Variants in FAM98B observed in about 807,000 individuals in gnomAD.
The protein encoded by FAM98B is tRNA-splicing ligase complex subunit FAM98B.
FAM98B carries 32 observed loss-of-function variants against 43.9 expected under a neutral mutation model. The ratio of observed to expected loss-of-function variants is 0.73; its 90% CI spans 0.55 to 0.98. The LOEUF (loss-of-function observed/expected upper bound fraction) is 0.98. Ranked by LOEUF, FAM98B falls within the 50% of genes least tolerant of loss-of-function variation. The probability of loss-of-function intolerance (pLI) is 0.00; values close to 1 mark genes in which losing one functional copy is unlikely to be tolerated. For missense variants in FAM98B, 514 were observed against 522.9 expected, an observed-to-expected ratio of 0.98 and a Z score of 0.17; for synonymous variants, 190 against 174.0, an observed-to-expected ratio of 1.09 and a Z score of -0.72.
At chr15:38,474,365 C>T in intron 6 of FAM98B, 67 bp downstream of exon 6, 5 of 1,070,768 alleles carry the variant, frequency 4.7e-6, no homozygotes, top group Non-Finnish European at 7.0e-6. Flanking sequence ...GCTTGCTTGT[C>T]TGTTATGTAA....
rs1045197160 is a variant in FAM98B at position 38,485,247 on chromosome 15, C to G, written c.*588C>G. 6.6e-6 allele frequency: 1 copy of G among 152,146 alleles called. No individual in the cohort carries two copies. Among genetic ancestry groups the G allele is most frequent in the Non-Finnish European group, 1.5e-5 (1 of 68,038 alleles). 9.4% of individuals were successfully genotyped at this position (152,146 alleles called of 1,614,324 possible). On this transcript the variant is annotated 3_prime_UTR_variant, in exon 8 of 8. Coordinates refer to ENST00000397609, the MANE Select transcript of FAM98B (RefSeq NM_173611.4). ...TGTTAAAGTTTCATTAATTGAAGCC[C>G]AAGTTTACTTTTTACTGTACATACT...
At chr15:38,484,148 A>G in intron 7 of FAM98B, 107 bp from the exon 8 acceptor site, 1 of 968,140 alleles carries the variant, frequency 1.0e-6, no homozygotes, top group Non-Finnish European at 1.6e-6. Flanking sequence ...TGGTACTTTC[A>G]TGTCCTTAAA....
rs1890015879 is a variant in FAM98B at position 38,465,479 on chromosome 15, A to C, written c.352+76A>C. 6.8e-6 allele frequency: 9 copies of C among 1,331,094 alleles called. No homozygotes were observed. In the Admixed American group the frequency reaches 2.3e-4, roughly 33 times the overall value. The allele number at this position is 1,331,094 out of a possible 1,614,324, so 82.5% of individuals were successfully genotyped here. On this transcript the variant is annotated intron_variant, in intron 3 of 7. Coordinates refer to ENST00000397609, the MANE Select transcript of FAM98B (RefSeq NM_173611.4). ...TTTTCAAGTCAAGATTTATTAATGA[A>C]GCATTAGACATTTTGTATATTAAAA...
At chr15:38,473,642 A>G in intron 5 of FAM98B, 57 bp downstream of exon 5, 1 of 1,347,270 alleles carries the variant, frequency 7.4e-7, no homozygotes. Context: ...ATATGACTTA[A>G]TTTTATAAAT....
intron 6 of FAM98B, among the ~76,000 whole-genome samples, chr15:38,477,725 TATCTA>T (rs1890224034): frequency 6.6e-6 from 1 of 152,216 alleles, no homozygotes; most frequent in African/African-American, 2.4e-5. Context: ...GTGTGTGTAA[TATCTA>T]ATCAGCTTCT....
chr15:38,465,192 A>T, intron 2 of FAM98B, 77 bp from the exon 3 acceptor site: 1 of 1,398,480 alleles, frequency 7.2e-7, no homozygotes, highest in South Asian at 1.5e-5. Context: ...TAAAATGGAA[A>T]TAAACGAGTA....
Position 38,484,313 on chromosome 15 carries a change from C to G in FAM98B, c.956C>G (p.Pro319Arg). The G allele has an allele frequency of 6.5e-7, 1 of 1,547,540 alleles. No individual in the cohort carries two copies. Among genetic ancestry groups the G allele is most frequent in the Non-Finnish European group, 8.7e-7 (1 of 1,146,384 alleles). Residue 319 changes from proline to arginine, a missense_variant, in exon 8 of 8, where the codon CCT becomes CGT. Pro to Arg is a moderately radical substitution (Grantham distance 103, BLOSUM62 -2). Coordinates refer to ENST00000397609, the MANE Select transcript of FAM98B (RefSeq NM_173611.4). ...CGGCCGAATGAAATTGAACCACCAC[C>G]TCCAGAAATGCCCCCTTGGCAAAAG... ...GGRPNEIEPP[P>R]PEMPPWQKRQ...
chr15:38,466,138 A>T (rs1315412905), intron 3 of FAM98B, among the ~76,000 whole-genome samples: 1 of 151,650 alleles, frequency 6.6e-6, no homozygotes, highest in Admixed American at 6.6e-5. Context: ...TATTCCTCCT[A>T]GGCGCTAGTG....
intron 6 of FAM98B, among the ~76,000 whole-genome samples, chr15:38,477,606 T>G (rs1354155980): frequency 1.3e-5 from 2 of 152,216 alleles, no homozygotes; most frequent in African/African-American, 4.8e-5. Context: ...AAGACCATCA[T>G]TCATGCATTT....
At chr15:38,458,064 G>A (rs1037958018) in intron 1 of FAM98B, among the ~76,000 whole-genome samples, 2 of 151,522 alleles carry the variant, frequency 1.3e-5, no homozygotes, top group East Asian at 3.9e-4. Flanking sequence ...CCATAGGTTC[G>A]AGACTATGGC....
Position 38,473,527 on chromosome 15 carries a change from T to G in FAM98B, c.554T>G (p.Val185Gly). ...ESKVKDILSK[V>G]QKNHVGKPLL... Reference sequence around the variant, plus strand: ...TAGGTGAAAGATATTCTCTCAAAGGTCCAGAAAAATCATGTGGGAAAACCA... The same window carrying G: ...TAGGTGAAAGATATTCTCTCAAAGGGCCAGAAAAATCATGTGGGAAAACCA... Residue 185 changes from valine (V) to glycine (G), a missense_variant, in exon 5 of 8, where the codon GTC becomes GGC. By Grantham distance (109) the Val-to-Gly change is moderately radical (BLOSUM62 -3). This residue lies in a region of FAM98B where 469 missense variants were observed against 451.8 expected (regional missense o/e 1.04). Coordinates refer to ENST00000397609, the MANE Select transcript of FAM98B (RefSeq NM_173611.4). 6.2e-7 allele frequency: 1 copy of G among 1,609,426 alleles called. No homozygotes were observed. The highest frequency in any genetic ancestry group is 8.5e-7 in the Non-Finnish European group (1 of 1,178,074).
At chr15:38,457,174 A>G (rs895355977) in intron 1 of FAM98B, among the ~76,000 whole-genome samples, 1 of 152,124 alleles carries the variant, frequency 6.6e-6, no homozygotes, top group African/African-American at 2.4e-5. Flanking sequence ...TCAAGGATTC[A>G]TTTCTCTTTA....
chr15:38,477,770 A>C (rs79651515), intron 6 of FAM98B, among the ~76,000 whole-genome samples: 1 of 152,134 alleles, frequency 6.6e-6, no homozygotes, highest in Non-Finnish European at 1.5e-5. Context: ...TCACTTCTGC[A>C]TGTGTGCCAG....
At chr15:38,467,195 G>C (rs1890048679) in intron 3 of FAM98B, among the ~76,000 whole-genome samples, 1 of 152,130 alleles carries the variant, frequency 6.6e-6, no homozygotes, top group Non-Finnish European at 1.5e-5. Flanking sequence ...CTAGTTCACA[G>C]TCTTACCAGC....
chr15:38,473,810 C>T (rs542933524), intron 5 of FAM98B, among the ~76,000 whole-genome samples: 1 of 152,236 alleles, frequency 6.6e-6, no homozygotes, highest in South Asian at 2.1e-4. Flanking sequence ...TGTGCTAGCA[C>T]AGTTGTGATT....
intron 7 of FAM98B, among the ~76,000 whole-genome samples, chr15:38,483,985 A>G (rs1367006122): frequency 6.6e-6 from 1 of 151,946 alleles, no homozygotes; most frequent in Non-Finnish European, 1.5e-5. Context: ...CCTTGTAGCT[A>G]TTTGAAACTA....
At chr15:38,468,526 A>G (rs1270794901) in intron 3 of FAM98B, among the ~76,000 whole-genome samples, 1 of 152,232 alleles carries the variant, frequency 6.6e-6, no homozygotes, top group African/African-American at 2.4e-5. Flanking sequence ...GCTGGTCTTA[A>G]TGAAGTTTTT....
chr15:38,460,151 A>T (rs1236822091), intron 1 of FAM98B, among the ~76,000 whole-genome samples: 1 of 152,268 alleles, frequency 6.6e-6, no homozygotes, highest in East Asian at 1.9e-4. Context: ...GCTTTGAGGG[A>T]GGGCCTAGGC....
intron 6 of FAM98B, among the ~76,000 whole-genome samples, chr15:38,474,586 T>TA (rs1890171419): frequency 6.6e-6 from 1 of 152,208 alleles, no homozygotes; most frequent in Non-Finnish European, 1.5e-5. Context: ...ATGAGATAGA[T>TA]ACAGTGAGCA....
Sources: gnomAD v4.1 joint callset for allele counts (sites outside exome capture counted in the v4.1 genomes callset) on GRCh38, gnomAD v4.1.1 for gene constraint, gnomAD v4.1.1 regional missense constraint, MANE v1.5 for transcripts, NCBI Gene and HGNC (gene_info 2026-07-23, HGNC 2026-07-21) for gene names.